SS18L1: variants seen among roughly 807,000 people sequenced by gnomAD.
SS18L1 encodes calcium-responsive transactivator.
Under a neutral mutation model 70.3 loss-of-function variants are expected in SS18L1, and 32 were observed. The observed-to-expected ratio is 0.46, with a 90% CI of 0.34 to 0.61. The LOEUF (loss-of-function observed/expected upper bound fraction) is 0.61. Among genes scored for constraint, SS18L1 ranks in the 20% least tolerant of loss-of-function variants. SS18L1 has a pLI of 0.01. For missense variants in SS18L1, 430 were observed against 542.1 expected, an observed-to-expected ratio of 0.79 and a Z score of 2.05; for synonymous variants, 237 against 229.7, an observed-to-expected ratio of 1.03 and a Z score of -0.29.
chr20:62,167,941 G>A (rs556266123), intron 8 of SS18L1, among the ~76,000 whole-genome samples: 11 of 148,142 alleles, frequency 7.4e-5, no homozygotes, highest in African/African-American at 1.0e-4. Context: ...TCAGCCTCTC[G>A]AATTGCTGGG....
At chr20:62,147,448 G>T (rs549764060) in intron 1 of SS18L1, among the ~76,000 whole-genome samples, 2 of 152,198 alleles carry the variant, frequency 1.3e-5, no homozygotes, top group Admixed American at 6.5e-5. Flanking sequence ...TTGGGGCTGG[G>T]CCTGCAGTGG....
rs2057576704 is a variant in SS18L1 at position 62,174,012 on chromosome 20, C to T, written c.1037-505C>T. Among the ~76,000 whole-genome samples the T allele has an allele frequency of 6.7e-6, 1 of 149,638 alleles. No individual in the cohort carries two copies. Among genetic ancestry groups the T allele is most frequent in the Non-Finnish European group, 1.5e-5 (1 of 67,510 alleles). On this transcript the variant is annotated intron_variant, in intron 9 of 10. Transcript: ENST00000331758. The surrounding 1 kb of genome is among the most constrained non-coding windows in gnomAD (Gnocchi z 4.1). ...CTGGCTTGGGTGACAGAGTGACACC[C>T]TGCCTAAAAAAAAAAAAAAAAATTG...
At position 62,158,681 on chromosome 20, in the gene SS18L1, G is replaced by A. The variant is rs762943445; in HGVS notation, c.79G>A (p.Glu27Lys). The change falls in exon 2 of 11, where the codon GAG becomes AAG. Residue 27 changes from glutamate to lysine, a missense_variant. Glu to Lys is a moderately conservative substitution (Grantham distance 56). Transcript: ENST00000331758. The surrounding 1 kb of genome is among the most constrained non-coding windows in gnomAD (Gnocchi z 4.5). ...TQQTIQKMLDENHHLIQCILE... is the reference protein window; with the variant it reads ...TQQTIQKMLDKNHHLIQCILE... ...CACGCTCTCTCCGCAGATGCTGGACGAGAACCACCACCTGATCCAGTGCAT... is the reference window on the plus strand; with the variant it reads ...CACGCTCTCTCCGCAGATGCTGGACAAGAACCACCACCTGATCCAGTGCAT... 3.1e-6 allele frequency: 5 copies of A among 1,612,592 alleles called. No individual in the cohort carries two copies. The highest frequency in any genetic ancestry group is 2.2e-5 in the East Asian group (1 of 44,886).
At chr20:62,149,943 A>T (rs904420373) in intron 1 of SS18L1, among the ~76,000 whole-genome samples, 42 of 152,190 alleles carry the variant, frequency 2.8e-4, no homozygotes, top group African/African-American at 9.9e-4. Flanking sequence ...TCAGGAGCAC[A>T]GTGATTTTGT....
chr20:62,149,067 G>C (rs1212993856), intron 1 of SS18L1, among the ~76,000 whole-genome samples: 1 of 152,252 alleles, frequency 6.6e-6, no homozygotes, highest in African/African-American at 2.4e-5. Context: ...TGGGCCAGTG[G>C]GTCGGGGCCT....
intron 1 of SS18L1, among the ~76,000 whole-genome samples, chr20:62,144,728 A>T (rs1470868476): frequency 2.0e-5 from 3 of 152,218 alleles, no homozygotes; most frequent in Admixed American, 2.0e-4. Flanking sequence ...TGAAATTGAG[A>T]CTTTGTATTT....
In SS18L1 at chr20:62,158,209, TTCGG is replaced by T. The variant is rs2057257925; in HGVS notation, c.70-462_70-459del. On this transcript the variant is annotated intron_variant, in intron 1 of 10. Transcript: ENST00000331758. The surrounding 1 kb of genome is among the most constrained non-coding windows in gnomAD (Gnocchi z 4.5). ...AAGGGCCCTGGAAGCTGGAGGGTCC[TTCGG>T]GCTGGGGGCTGCTGGGGGCACGGGG... Among the ~76,000 whole-genome samples, 1 of 152,088 alleles carries T rather than the reference TTCGG, an allele frequency of 6.6e-6. No homozygotes were observed. The highest frequency in any genetic ancestry group is 2.4e-5 in the African/African-American group (1 of 41,400).
Position 62,161,798 on chromosome 20 carries a change from C to T in SS18L1, c.376+218C>T, listed in dbSNP as rs981344422. On this transcript the variant is annotated intron_variant, in intron 4 of 10. Transcript: ENST00000331758. The surrounding 1 kb of genome is among the most constrained non-coding windows in gnomAD (Gnocchi z 4.4). ...TGAGCCCCTGCTCCAGTTGTCCACT[C>T]TCTCTGACACTGTCACGTTCCATCA... 1.2e-4 allele frequency among the ~76,000 whole-genome samples: 18 copies of T among 152,258 alleles called. No individual in the cohort carries two copies. The highest frequency in any genetic ancestry group is 4.3e-4 in the African/African-American group (18 of 41,478).
chr20:62,163,918 G>A (rs948684104), intron 6 of SS18L1, among the ~76,000 whole-genome samples: 1 of 152,150 alleles, frequency 6.6e-6, no homozygotes, highest in Non-Finnish European at 1.5e-5. Context: ...TTGGGAGGCC[G>A]AGGTGGGCGG....
At chr20:62,156,561 C>T (rs527634854) in intron 1 of SS18L1, among the ~76,000 whole-genome samples, 14 of 152,372 alleles carry the variant, frequency 9.2e-5, no homozygotes, top group Admixed American at 7.8e-4. Context: ...ACCCTGAAGT[C>T]GTGGAGACCG....
chr20:62,152,890 C>T (rs1041810611), intron 1 of SS18L1, among the ~76,000 whole-genome samples: 2 of 152,216 alleles, frequency 1.3e-5, no homozygotes, highest in African/African-American at 4.8e-5. Context: ...TCCGTCCTGT[C>T]AGGGTCTTTT....
chr20:62,176,573 G>A (rs1484628479), intron 10 of SS18L1, among the ~76,000 whole-genome samples: 1 of 152,136 alleles, frequency 6.6e-6, no homozygotes, highest in African/African-American at 2.4e-5. Flanking sequence ...CCAGCACTTT[G>A]GGAGGCTGAG....
chr20:62,171,885 G>A (rs2057537663), intron 8 of SS18L1, among the ~76,000 whole-genome samples: 1 of 152,060 alleles, frequency 6.6e-6, no homozygotes, highest in South Asian at 2.1e-4. Context: ...GGGCATGGTC[G>A]GGCACCGTGG....
intron 10 of SS18L1, among the ~76,000 whole-genome samples, chr20:62,175,922 T>C (rs2097096247): frequency 1.5e-5 from 2 of 130,750 alleles, no homozygotes; most frequent in South Asian, 6.4e-4. Flanking sequence ...CTCAGGACAC[T>C]GTGAGGCCAC....
In SS18L1 at chr20:62,165,480, C is replaced by G. The variant is rs1568755440; in HGVS notation, c.882C>G (p.Ser294=). 1 of 1,613,040 alleles carries G rather than the reference C, an allele frequency of 6.2e-7. No homozygotes were observed. Among genetic ancestry groups the G allele is most frequent in the Non-Finnish European group, 8.5e-7 (1 of 1,179,854 alleles). Reference sequence around the variant, plus strand: ...ACACGGAGCAGAGCTACGACCGGTCCTTCGAGGAGTCCACGCAGCACTACT... The same window carrying G: ...ACACGGAGCAGAGCTACGACCGGTCGTTCGAGGAGTCCACGCAGCACTACT... ...SSYTEQSYDR[S]FEESTQHYYE... is the part of the protein sequence containing the mutation. Residue 294 remains serine, a synonymous_variant, in exon 8 of 11, where the codon TCC becomes TCG. Transcript: ENST00000331758.
rs1005477676 is a variant in SS18L1, at chr20:62,181,261, G to T, written c.*2053G>T. On this transcript the variant is annotated 3_prime_UTR_variant, in exon 11 of 11. Transcript: ENST00000331758. ...TGTGTTCATATTCGATCACCGAAAT[G>T]AGAGTTCTTAATTGCTAATTGACAA... The T allele has an allele frequency of 4.8e-6, 1 of 207,832 alleles. No individual in the cohort carries two copies. The highest frequency in any genetic ancestry group is 5.9e-5 in the Admixed American group (1 of 16,868). 12.9% of individuals were successfully genotyped at this position (207,832 alleles called of 1,614,324 possible).
intron 1 of SS18L1, among the ~76,000 whole-genome samples, chr20:62,146,682 C>A (rs6142715): frequency 1.4e-5 from 2 of 146,956 alleles, no homozygotes; most frequent in East Asian, 2.0e-4. Flanking sequence ...CGATCTCGGG[C>A]TCACAACCTC....
chr20:62,146,791 G>C (rs1191785351), intron 1 of SS18L1, among the ~76,000 whole-genome samples: 7 of 151,882 alleles, frequency 4.6e-5, no homozygotes, highest in Admixed American at 4.6e-4. Context: ...GGCTAATTTT[G>C]TATTTTTAGT....
At chr20:62,152,386 A>AGGT (rs2057149862) in intron 1 of SS18L1, among the ~76,000 whole-genome samples, 2 of 152,154 alleles carry the variant, frequency 1.3e-5, no homozygotes, top group Non-Finnish European at 1.5e-5. Flanking sequence ...TGGCTCCTCC[A>AGGT]GATGGAGTTG....
Sources: allele counts gnomAD v4.1 joint callset (sites outside exome capture counted in the v4.1 genomes callset), GRCh38; gene constraint gnomAD v4.1.1; non-coding constraint Gnocchi (gnomAD v3.1); transcripts MANE v1.5; gene names NCBI Gene and HGNC (gene_info 2026-07-23, HGNC 2026-07-21).